Variants in ZBTB46 observed in about 807,000 individuals in gnomAD.
ZBTB46 encodes zinc finger and BTB domain containing 46, also known as zinc finger and BTB domain-containing protein 46.
ZBTB46 carries 8 observed loss-of-function variants against 44.1 expected under a neutral mutation model. The ratio of observed to expected loss-of-function variants is 0.18; its 90% CI spans 0.11 to 0.33. The LOEUF (loss-of-function observed/expected upper bound fraction) is 0.33. Ranked by LOEUF, ZBTB46 falls within the 10% of genes least tolerant of loss-of-function variation. The probability of loss-of-function intolerance (pLI) is 1.00; values close to 1 mark genes in which losing one functional copy is unlikely to be tolerated. For missense variants in ZBTB46, 651 were observed against 847.7 expected, an observed-to-expected ratio of 0.77 and a Z score of 2.88; for synonymous variants, 409 against 382.3, an observed-to-expected ratio of 1.07 and a Z score of -0.81.
In ZBTB46 at chr20:63,743,911, T is replaced by TAAG. The variant is rs1555833904; in HGVS notation, c.*3016_*3018dup. 5.2e-5 allele frequency: 8 copies of TAAG among 152,424 alleles called. No individual in the cohort carries two copies. Among genetic ancestry groups the TAAG allele is most frequent in the African/African-American group, 1.7e-4 (7 of 41,380 alleles). 9.4% of individuals were successfully genotyped at this position (152,424 alleles called of 1,614,324 possible). A position where few individuals can be genotyped will look rare whatever the true frequency, so the allele number is the denominator to read the frequency against. ...CTCCAATACAAACACAGGTTTATAA[T>TAAG]AAGTAATAGGAAGTCAATATAATAT... On this transcript the variant is annotated 3_prime_UTR_variant, in exon 5 of 5. Transcript: ENST00000245663.
chr20:63,791,982 C>T (rs2092564618), intron 1 of ZBTB46, among the ~76,000 whole-genome samples: 1 of 152,178 alleles, frequency 6.6e-6, no homozygotes, highest in Non-Finnish European at 1.5e-5. Flanking sequence ...TCCAGCCCCT[C>T]CCCCAGCCGG....
Position 63,811,087 on chromosome 20 carries a change from G to T in ZBTB46, c.-34+20010C>A, listed in dbSNP as rs111617626. On this transcript the variant is annotated intron_variant, in intron 1 of 4. Transcript: ENST00000245663. ...GGCAGGCGAAGAGTCTGCCTCTCTG[G>T]GTCCCAGAACCCCACAGGATGGGCA... Among the ~76,000 whole-genome samples, 182 of 152,280 alleles carry T rather than the reference G, an allele frequency of 1.2e-3. 1 individual carries two copies. Among genetic ancestry groups the T allele is most frequent in the African/African-American group, 4.1e-3 (172 of 41,566 alleles).
chr20:63,775,915 C>T lies in ZBTB46; in HGVS notation c.985G>A (p.Glu329Lys). The T allele has an allele frequency of 6.3e-7, 1 of 1,598,428 alleles. No homozygotes were observed. Among genetic ancestry groups the T allele is most frequent in the Non-Finnish European group, 8.5e-7 (1 of 1,173,940 alleles). ...TEASSSDSRG[E>K]RAELYAQVEE... The stretch of plus-strand genomic sequence containing the variant: ...ACCTGTGCATAGAGCTCGGCCCTCT[C>T]TCCTCGGCTGTCGGAGCTGCTGGCT... The change falls in exon 3 of 5, where the codon GAG becomes AAG. Residue 329 changes from glutamate to lysine, a missense_variant. By Grantham distance (56) the Glu-to-Lys change is moderately conservative. Coordinates refer to ENST00000245663, the MANE Select transcript of ZBTB46 (RefSeq NM_001369741.1).
At position 63,752,926 on chromosome 20, in the gene ZBTB46, C is replaced by T. The variant is rs986317867; in HGVS notation, c.1223-65G>A. The T allele has an allele frequency of 8.1e-5, 123 of 1,513,458 alleles. No homozygotes were observed. The highest frequency in any genetic ancestry group is 6.9e-5 in the African/African-American group (5 of 72,276). The allele number at this position is 1,513,458 out of a possible 1,614,324, so 93.8% of individuals were successfully genotyped here. Reference sequence around the variant, plus strand: ...GATGTACCGCCCTGCGGCCCACAGACCACGGCTGCACGCCGCAGCCCAGCA... The same window carrying T: ...GATGTACCGCCCTGCGGCCCACAGATCACGGCTGCACGCCGCAGCCCAGCA... On this transcript the variant is annotated intron_variant, in intron 3 of 4. Transcript: ENST00000245663. The surrounding 1 kb of genome is among the most constrained non-coding windows in gnomAD (Gnocchi z 5.6).
At chr20:63,830,607 G>A (rs1161920515) in intron 1 of ZBTB46, among the ~76,000 whole-genome samples, 1 of 150,122 alleles carries the variant, frequency 6.7e-6, no homozygotes, top group African/African-American at 2.4e-5. Context: ...CTCCGGGTGC[G>A]GCTGGGCTGT....
At chr20:63,791,185 ATTC>A (rs1369261734) in intron 1 of ZBTB46, among the ~76,000 whole-genome samples, 10 of 152,206 alleles carry the variant, frequency 6.6e-5, no homozygotes, top group African/African-American at 2.4e-4. Flanking sequence ...TTGAAGAAAC[ATTC>A]TTAAGGAAAA....
At chr20:63,816,447 C>CCTGA (rs1182571399) in intron 1 of ZBTB46, 1 of 156,090 alleles carries the variant, frequency 6.4e-6, no homozygotes, top group East Asian at 1.9e-4. Flanking sequence ...AGGCCAGGAA[C>CCTGA]CTGACCTGCC....
At chr20:63,807,657 A>G (rs1032042115) in intron 1 of ZBTB46, among the ~76,000 whole-genome samples, 2 of 152,156 alleles carry the variant, frequency 1.3e-5, no homozygotes, top group African/African-American at 2.4e-5. Flanking sequence ...CAGCTACTCC[A>G]TTTTTTAACA....
chr20:63,771,745 G>A (rs1049410283), intron 3 of ZBTB46, among the ~76,000 whole-genome samples: 3 of 152,216 alleles, frequency 2.0e-5, no homozygotes, highest in Non-Finnish European at 2.9e-5. Flanking sequence ...AAGGCCTACG[G>A]CAGTGAGGGA....
chr20:63,816,121 GGTGGGCGCAGGTGCA>G (rs2092755661), intron 1 of ZBTB46, among the ~76,000 whole-genome samples: 1 of 147,318 alleles, frequency 6.8e-6, no homozygotes, highest in Non-Finnish European at 1.5e-5. Context: ...AGTGGGCGCA[GGTGGGCGCAGGTGCA>G]GTGGGTGCAG....
chr20:63,814,623 C>G (rs1470529480), intron 1 of ZBTB46, among the ~76,000 whole-genome samples: 1 of 152,048 alleles, frequency 6.6e-6, no homozygotes, highest in Non-Finnish European at 1.5e-5. Context: ...GGGTTGACCT[C>G]CCAGAGGAGT....
At chr20:63,814,232 C>CA (rs113002137) in intron 1 of ZBTB46, among the ~76,000 whole-genome samples, 1,438 of 71,054 alleles carry the variant, frequency 0.02, 12 homozygotes, top group African/African-American at 0.03. Context: ...GACTCCGTCT[C>CA]AAAAAAAAAA....
At chr20:63,815,830 G>A (rs1358191802) in intron 1 of ZBTB46, among the ~76,000 whole-genome samples, 3 of 148,248 alleles carry the variant, frequency 2.0e-5, no homozygotes, top group African/African-American at 5.2e-5. Context: ...AGTGAGTGCA[G>A]GTGAGCACAG....
chr20:63,775,960 C>A lies in ZBTB46; in HGVS notation c.940G>T (p.Ala314Ser). 6.4e-7 allele frequency: 1 copy of A among 1,552,954 alleles called. No individual in the cohort carries two copies. Residue 314 changes from alanine (A) to serine (S), a missense_variant and splice_region_variant, in exon 3 of 5, where the codon GCG becomes TCG. Physicochemically the swap from Ala to Ser is moderately conservative, Grantham distance 99. This residue lies in a region of ZBTB46 where 385 missense variants were observed against 423.3 expected (regional missense o/e 0.91). Transcript: ENST00000245663. The stretch of plus-strand genomic sequence containing the variant: ...CTGGCTTCGGTGACGGACAGGTCCG[C>A]ATCTGGGGACAGAGGGACACACGTC... Reference protein sequence around the residue: ...GWPFSSRDSNADLSVTEASSS... With the variant: ...GWPFSSRDSNSDLSVTEASSS...
intron 1 of ZBTB46, among the ~76,000 whole-genome samples, chr20:63,829,304 TA>T (rs1053725120): frequency 2.4e-4 from 37 of 152,328 alleles, no homozygotes; most frequent in Admixed American, 1.8e-3. Flanking sequence ...ACAAAACAGC[TA>T]AACCCGAACA....
chr20:63,773,689 C>T (rs368393856), intron 3 of ZBTB46, among the ~76,000 whole-genome samples: 5 of 152,094 alleles, frequency 3.3e-5, no homozygotes, highest in African/African-American at 1.2e-4. Context: ...TGTGAAAAGG[C>T]GGTCGGAGGG....
At chr20:63,831,424 C>G (rs2092851705), upstream of ZBTB46, among the ~76,000 whole-genome samples, 2 of 143,600 alleles carry the variant, frequency 1.4e-5, no homozygotes, top group East Asian at 2.1e-4. Context: ...CCACGCCGGC[C>G]CGGCCGCCGG....
chr20:63,813,956 C>A (rs1011012833), intron 1 of ZBTB46, among the ~76,000 whole-genome samples: 1 of 152,096 alleles, frequency 6.6e-6, no homozygotes, highest in Admixed American at 6.6e-5. Context: ...TGGGAAGGGC[C>A]GGGCGCGGTG....
chr20:63,822,495 T>C (rs1006740813), intron 1 of ZBTB46, among the ~76,000 whole-genome samples: 1 of 152,126 alleles, frequency 6.6e-6, no homozygotes, highest in Non-Finnish European at 1.5e-5. Flanking sequence ...TTCAGTACAA[T>C]GGGTTCCGTG....
Sources: allele counts gnomAD v4.1 joint callset (sites outside exome capture counted in the v4.1 genomes callset), GRCh38; gene constraint gnomAD v4.1.1; regional missense constraint gnomAD v4.1.1; non-coding constraint Gnocchi (gnomAD v3.1); transcripts MANE v1.5; gene names NCBI Gene and HGNC (gene_info 2026-07-23, HGNC 2026-07-21).